Variants in MED13 observed in about 807,000 individuals in gnomAD.
MED13 encodes the protein mediator of RNA polymerase II transcription subunit 13.
In MED13, 23 loss-of-function variants were observed where a neutral mutation model predicts 225.2. The ratio of observed to expected loss-of-function variants is 0.10; its 90% CI spans 0.07 to 0.14. The LOEUF (loss-of-function observed/expected upper bound fraction) is 0.14, where lower values mean the gene tolerates loss of function less well. Among genes scored for constraint, MED13 ranks in the 10% least tolerant of loss-of-function variants. MED13 has a pLI of 1.00. For synonymous variants in MED13, 942 were observed against 889.2 expected (o/e 1.06, Z -1.06); for missense variants, 2,197 against 2,594.5 (o/e 0.85, Z 3.33).
At chr17:61,955,950 C>T (rs2079940409) in intron 24 of MED13, 112 bp from the exon 25 acceptor site, 5 of 1,360,300 alleles carry the variant, frequency 3.7e-6, no homozygotes. Context: ...TAGTTAATGG[C>T]TTTTAAATTA....
intron 8 of MED13, among the ~76,000 whole-genome samples, chr17:62,026,433 T>G (rs1454697606): frequency 2.7e-5 from 4 of 147,076 alleles, no homozygotes; most frequent in African/African-American, 1.0e-4. Flanking sequence ...GCCCAAAGAA[T>G]GTTATAAGAA....
At chr17:62,048,066 A>ATATATG (rs1603408971) in intron 3 of MED13, among the ~76,000 whole-genome samples, 4 of 144,024 alleles carry the variant, frequency 2.8e-5, no homozygotes, top group East Asian at 2.0e-4. Flanking sequence ...ATATATATGT[A>ATATATG]TATATGTATA....
intron 10 of MED13, among the ~76,000 whole-genome samples, chr17:61,993,744 A>G (rs1012448465): frequency 4.6e-5 from 7 of 151,806 alleles, no homozygotes; most frequent in African/African-American, 1.7e-4. Flanking sequence ...AGCCTGACCA[A>G]CATGGAGAAA....
intron 9 of MED13, chr17:62,010,325 T>C (rs1303142098): frequency 2.7e-6 from 1 of 376,044 alleles, no homozygotes; most frequent in Non-Finnish European, 4.7e-6. Context: ...TTGGCTGATG[T>C]ACAAGTGTTT....
chr17:62,043,211 T>C (rs1369877441), intron 3 of MED13, among the ~76,000 whole-genome samples: 1 of 140,040 alleles, frequency 7.1e-6, no homozygotes, highest in Non-Finnish European at 1.6e-5. Flanking sequence ...GAAAAATTAT[T>C]GTAAGAAAAC....
chr17:62,057,478 C>A (rs1448586759), intron 2 of MED13, among the ~76,000 whole-genome samples: 1 of 152,140 alleles, frequency 6.6e-6, no homozygotes, highest in Non-Finnish European at 1.5e-5. Context: ...TTTAAAGAGT[C>A]GGGCCACATC....
chr17:62,062,662 T>G (rs2081050552), intron 2 of MED13, among the ~76,000 whole-genome samples: 1 of 151,932 alleles, frequency 6.6e-6, no homozygotes, highest in Non-Finnish European at 1.5e-5. Context: ...TAGAATCATC[T>G]GCCTATTCAA....
chr17:62,031,535 C>G lies in MED13; in HGVS notation c.918G>C (p.Leu306Phe). 6.2e-7 allele frequency: 1 copy of G among 1,613,904 alleles called. No individual in the cohort carries two copies. Among genetic ancestry groups the G allele is most frequent in the Non-Finnish European group, 8.5e-7 (1 of 1,179,944 alleles). ...VGSTHCSSSC[L>F]GVHQVPASTR... ...TGGAAGCAGGCACTTGGTGGACACCCAAGCAAGAAGATGAACAGTGAGTGG... is the reference window on the plus strand; with the variant it reads ...TGGAAGCAGGCACTTGGTGGACACCGAAGCAAGAAGATGAACAGTGAGTGG... The change falls in exon 6 of 30, where the codon TTG becomes TTC. Residue 306 changes from leucine (L) to phenylalanine (F), a missense_variant. This residue lies in a region of MED13 where 884 missense variants were observed against 918.5 expected (regional missense o/e 0.96). Transcript: ENST00000397786.
intron 8 of MED13, among the ~76,000 whole-genome samples, chr17:62,019,306 T>G (rs1389787090): frequency 6.6e-6 from 1 of 152,212 alleles, no homozygotes; most frequent in African/African-American, 2.4e-5. Context: ...GAAAATATAG[T>G]GGATGTCTAT....
chr17:62,020,651 T>TTTCAG (rs1784665997), intron 8 of MED13, among the ~76,000 whole-genome samples: 1 of 148,442 alleles, frequency 6.7e-6, no homozygotes, highest in Non-Finnish European at 1.5e-5. Context: ...AGTGCTGGGA[T>TTTCAG]TTCAGGCGTG....
chr17:61,970,108 T>G (rs1001876455), intron 17 of MED13, among the ~76,000 whole-genome samples: 1 of 152,214 alleles, frequency 6.6e-6, no homozygotes, highest in African/African-American at 2.4e-5. Context: ...TCTTTGCATG[T>G]ACTAACTCAT....
At chr17:61,958,168 A>C (rs1054116266) in intron 23 of MED13, among the ~76,000 whole-genome samples, 1 of 150,116 alleles carries the variant, frequency 6.7e-6, no homozygotes, top group African/African-American at 2.5e-5. Flanking sequence ...CCAGCTGGCT[A>C]TTACTTATTA....
intron 20 of MED13, among the ~76,000 whole-genome samples, chr17:61,964,210 C>T (rs370705234): frequency 6.6e-6 from 1 of 152,304 alleles, no homozygotes; most frequent in East Asian, 1.9e-4. Flanking sequence ...TCTTAATTCC[C>T]ACCCTCAGAT....
At chr17:61,971,964 A>T (rs1312458001) in intron 17 of MED13, among the ~76,000 whole-genome samples, 1 of 152,126 alleles carries the variant, frequency 6.6e-6, no homozygotes, top group Non-Finnish European at 1.5e-5. Context: ...AAATAAAATA[A>T]AATAAAATAT....
chr17:61,970,726 GT>G (rs10685140), intron 17 of MED13, among the ~76,000 whole-genome samples: 58 of 109,562 alleles, frequency 5.3e-4, no homozygotes, highest in East Asian at 2.9e-3. Context: ...AGTTATTTAG[GT>G]TTTTTTTTTT....
Position 61,946,252 on chromosome 17 carries a change from T to C in MED13, c.*216A>G. Reference sequence around the variant, plus strand: ...GCTACGAAAATGTTATAATACGTTTTGTATGATCAGTCATCATCCTAAAGA... The same window carrying C: ...GCTACGAAAATGTTATAATACGTTTCGTATGATCAGTCATCATCCTAAAGA... On this transcript the variant is annotated 3_prime_UTR_variant, in exon 30 of 30. Coordinates refer to ENST00000397786, the MANE Select transcript of MED13 (RefSeq NM_005121.3). The C allele has an allele frequency of 2.2e-6, 1 of 460,248 alleles. No individual in the cohort carries two copies. Among genetic ancestry groups the C allele is most frequent in the Non-Finnish European group, 3.7e-6 (1 of 267,894 alleles). The allele number at this position is 460,248 out of a possible 1,614,324, so 28.5% of individuals were successfully genotyped here. A position where few individuals can be genotyped will look rare whatever the true frequency, so the allele number is the denominator to read the frequency against.
At chr17:62,004,888 C>A in intron 9 of MED13, 1 of 146,412 alleles carries the variant, frequency 6.8e-6, no homozygotes. Context: ...GTTTCTAAGA[C>A]ATCATTTACT....
chr17:62,004,548 T>A (rs1024448006), intron 9 of MED13: 1 of 152,314 alleles, frequency 6.6e-6, no homozygotes, highest in South Asian at 2.1e-4. Flanking sequence ...TTTGAATAAT[T>A]TATCAAGGAT....
chr17:62,042,491 G>C (rs1180338090), intron 3 of MED13, among the ~76,000 whole-genome samples: 1 of 150,482 alleles, frequency 6.6e-6, no homozygotes, highest in Non-Finnish European at 1.5e-5. Context: ...GAACCTGGGA[G>C]GTGGCAGTTG....
Sources: allele counts gnomAD v4.1 joint callset (sites outside exome capture counted in the v4.1 genomes callset), GRCh38; gene constraint gnomAD v4.1.1; regional missense constraint gnomAD v4.1.1; transcripts MANE v1.5; gene names NCBI Gene and HGNC (gene_info 2026-07-23, HGNC 2026-07-21).